The following N4BP3 variants were observed in gnomAD, a reference collection of about 807,000 sequenced individuals.
N4BP3 encodes NEDD4-binding protein 3.
In N4BP3, 33 loss-of-function variants were observed where a neutral mutation model predicts 43.8. The observed-to-expected ratio is 0.75, with a 90% CI of 0.57 to 1.01. N4BP3 has a LOEUF of 1.01. Ranked by LOEUF, N4BP3 falls within the 50% of genes least tolerant of loss-of-function variation. The pLI is 0.00. For missense variants in N4BP3, 756 were observed against 744.2 expected (o/e 1.02, Z -0.18); for synonymous variants, 326 against 321.9 (o/e 1.01, Z -0.14).
chr5:178,126,819 T>G (rs995657006), downstream of N4BP3, among the ~76,000 whole-genome samples: 1 of 151,810 alleles, frequency 6.6e-6, no homozygotes, highest in East Asian at 1.9e-4. Flanking sequence ...GCTTGAGAGG[T>G]TTTATCTGCA....
intron 1 of N4BP3, among the ~76,000 whole-genome samples, chr5:178,115,237 A>G (rs1224126835): frequency 1.3e-5 from 2 of 152,214 alleles, no homozygotes; most frequent in Non-Finnish European, 2.9e-5. Context: ...ACTAAGCACC[A>G]CTTCCGCAGG....
rs368026384 is a variant in N4BP3 at position 178,121,255 on chromosome 5, T to C, written c.1010T>C (p.Leu337Pro). ...GAGCAGCGGCGCCTGCGCAAGGAGC[T>C]GCGGGCTCAGCAGGGCCTGGCTCCG... ...QQEQRRLRKE[L>P]RAQQGLAPEP... The change falls in exon 4 of 5, where the codon CTG (leucine) becomes CCG (proline). Residue 337 changes from leucine to proline, a missense_variant. Coordinates refer to ENST00000274605, the MANE Select transcript of N4BP3 (RefSeq NM_015111.2). 7 of 1,606,510 alleles carry C rather than the reference T, an allele frequency of 4.4e-6. No homozygotes were observed. The highest frequency in any genetic ancestry group is 5.9e-6 in the Non-Finnish European group (7 of 1,177,154).
At position 178,120,251 on chromosome 5, in the gene N4BP3, C is replaced by A. The variant is rs374053735; in HGVS notation, c.404C>A (p.Ala135Glu). The A allele has an allele frequency of 1.2e-6, 2 of 1,607,642 alleles. No individual in the cohort carries two copies. Among genetic ancestry groups the A allele is most frequent in the African/African-American group, 2.7e-5 (2 of 74,762 alleles). The change falls in exon 3 of 5, where the codon GCG (alanine) becomes GAG (glutamate). Residue 135 changes from alanine (A) to glutamate (E), a missense_variant. Transcript: ENST00000274605. The stretch of plus-strand genomic sequence containing the variant: ...GGCTTCCTATCCATGCAAAGTCTGG[C>A]GTCCCACAAAGGCCAGAAGCTGTGG... ...GKGFLSMQSL[A>E]SHKGQKLWRS...
In N4BP3 at chr5:178,121,612, G is replaced by A; in HGVS notation, c.1246G>A (p.Asp416Asn). The change falls in exon 5 of 5, where the codon GAC (aspartate) becomes AAC (asparagine). Residue 416 changes from aspartate (D) to asparagine (N), a missense_variant. Transcript: ENST00000274605. ...CAGCCGGGCACAAGCCCAGGCTCAG[G>A]ACGCAGAGCTGGTCCGGCTGCGCGA... ...RGSRAQAQAQ[D>N]AELVRLREAV... The A allele has an allele frequency of 6.2e-7, 1 of 1,613,238 alleles. No individual in the cohort carries two copies. Among genetic ancestry groups the A allele is most frequent in the Non-Finnish European group, 8.5e-7 (1 of 1,179,940 alleles).
In N4BP3 at chr5:178,122,423, A is replaced by T. The variant is rs2113322899; in HGVS notation, c.*422A>T. ...TCTACCAGAGGCTCAGAATACGCTG[A>T]GCCTGTGACCAGAGGATGATGGATG... On this transcript the variant is annotated 3_prime_UTR_variant, in exon 5 of 5. Transcript: ENST00000274605. The T allele has an allele frequency of 5.6e-6, 1 of 177,852 alleles. No homozygotes were observed. Among genetic ancestry groups the T allele is most frequent in the Non-Finnish European group, 1.2e-5 (1 of 83,302 alleles). 11.0% of individuals were successfully genotyped at this position (177,852 alleles called of 1,614,324 possible). A position where few individuals can be genotyped will look rare whatever the true frequency, so the allele number is the denominator to read the frequency against.
intron 1 of N4BP3, among the ~76,000 whole-genome samples, chr5:178,115,940 TA>T (rs1757762765): frequency 6.6e-6 from 1 of 152,132 alleles, no homozygotes; most frequent in South Asian, 2.1e-4. Context: ...GAAGAGGCCT[TA>T]CTGGGGCTAG....
rs1757949615 is a variant in N4BP3, at chr5:178,122,192, C to T, written c.*191C>T. 1.5e-6 allele frequency: 1 copy of T among 656,116 alleles called. No homozygotes were observed. Among genetic ancestry groups the T allele is most frequent in the Non-Finnish European group, 2.5e-6 (1 of 400,762 alleles). The allele number at this position is 656,116 out of a possible 1,614,324, so 40.6% of individuals were successfully genotyped here. On this transcript the variant is annotated 3_prime_UTR_variant, in exon 5 of 5. Coordinates refer to ENST00000274605, the MANE Select transcript of N4BP3 (RefSeq NM_015111.2). ...GCCTTGGCAGGAGCCAGGACAAGGC[C>T]CTCCTGGCAGAGGAGCACCTAGGCA... is the stretch of plus-strand genomic sequence containing the variant.
At position 178,113,782 on chromosome 5, in the gene N4BP3, C is replaced by G. The variant is rs1177738615; in HGVS notation, c.-31+11C>G. 7.7e-6 allele frequency: 1 copy of G among 129,378 alleles called. No individual in the cohort carries two copies. The highest frequency in any genetic ancestry group is 7.9e-5 in the Admixed American group (1 of 12,660). The allele number at this position is 129,378 out of a possible 1,614,324, so 8.0% of individuals were successfully genotyped here. A position where few individuals can be genotyped will look rare whatever the true frequency, so the allele number is the denominator to read the frequency against. On this transcript the variant is annotated intron_variant, in intron 1 of 4. Transcript: ENST00000274605. ...CGCGTCGCCACCATGGTAAGTGGGG[C>G]GCGCGAGGGGCTGGGGACCCGGGCT...
In N4BP3 at chr5:178,123,475, A is replaced by T. The variant is rs3812079; in HGVS notation, c.*1474A>T. The T allele has an allele frequency of 1.3e-5, 2 of 152,500 alleles. No homozygotes were observed. Among genetic ancestry groups the T allele is most frequent in the African/African-American group, 4.8e-5 (2 of 41,514 alleles). The allele number at this position is 152,500 out of a possible 1,614,324, so 9.4% of individuals were successfully genotyped here. ...TGAGAAGTTATCTGCAGAGAGCCCCACCTCACTCCCTTTGGCTACCCTGGC... is the reference window on the plus strand; with the variant it reads ...TGAGAAGTTATCTGCAGAGAGCCCCTCCTCACTCCCTTTGGCTACCCTGGC... On this transcript the variant is annotated 3_prime_UTR_variant, in exon 5 of 5. Coordinates refer to ENST00000274605, the MANE Select transcript of N4BP3 (RefSeq NM_015111.2).
Position 178,121,957 on chromosome 5 carries a change from C to A in N4BP3, c.1591C>A (p.Pro531Thr). The A allele has an allele frequency of 1.2e-6, 2 of 1,609,168 alleles. No individual in the cohort carries two copies. Among genetic ancestry groups the A allele is most frequent in the Middle Eastern group, 1.7e-4 (1 of 5,718 alleles). Residue 531 changes from proline (P) to threonine (T), a missense_variant, in exon 5 of 5, where the codon CCC (proline) becomes ACC (threonine). Pro to Thr is a conservative substitution (Grantham distance 38). Coordinates refer to ENST00000274605, the MANE Select transcript of N4BP3 (RefSeq NM_015111.2). ...LEQELRALRE[P>T]PTPWSPRLES... ...GCAGGAACTGCGGGCACTGCGGGAG[C>A]CCCCCACACCCTGGAGTCCCCGGCT...
chr5:178,117,866 T>G (rs900771384), intron 1 of N4BP3, among the ~76,000 whole-genome samples: 4 of 151,866 alleles, frequency 2.6e-5, no homozygotes, highest in East Asian at 1.9e-4. Flanking sequence ...CAGGGTGAGG[T>G]GAGGCTGTGG....
chr5:178,117,617 C>CAA (rs1158805938), intron 1 of N4BP3, among the ~76,000 whole-genome samples: 3 of 13,712 alleles, frequency 2.2e-4, no homozygotes, highest in African/African-American at 5.1e-4. Context: ...GACCCTGTCT[C>CAA]AAAAAAAAAA....
chr5:178,121,932 G>A lies in N4BP3; in HGVS notation c.1566G>A (p.Glu522=), dbSNP rs772339236. ...MDMYRRNQAL[E]QELRALREPP... Reference sequence around the variant, plus strand: ...TGTACCGCCGCAACCAGGCACTGGAGCAGGAACTGCGGGCACTGCGGGAGC... The same window carrying A: ...TGTACCGCCGCAACCAGGCACTGGAACAGGAACTGCGGGCACTGCGGGAGC... Residue 522 remains glutamate (E), a synonymous_variant, in exon 5 of 5, where the codon GAG becomes GAA. Transcript: ENST00000274605. The A allele has an allele frequency of 1.9e-6, 3 of 1,612,124 alleles. No individual in the cohort carries two copies. The highest frequency in any genetic ancestry group is 2.5e-6 in the Non-Finnish European group (3 of 1,179,824).
At chr5:178,120,805 G>T in intron 3 of N4BP3, 106 bp downstream of exon 3, 1 of 1,396,214 alleles carries the variant, frequency 7.2e-7, no homozygotes, top group Non-Finnish European at 9.4e-7. Context: ...GGACACAAGA[G>T]AGCAAGAAAG....
chr5:178,120,318 C>T lies in N4BP3; in HGVS notation c.471C>T (p.Pro157=), dbSNP rs1429832539. The T allele has an allele frequency of 1.2e-5, 19 of 1,608,210 alleles. No homozygotes were observed. The Admixed American group carries it at 3.2e-4, about 27-fold the overall frequency. The change falls in exon 3 of 5, where the codon CCC becomes CCT. Residue 157 remains proline, a synonymous_variant. Transcript: ENST00000274605. Reference sequence around the variant, plus strand: ...TGCACACGCTGGCCTGCCACCCGCCCCTGAGCCCCGGGCCCCGGGCCAGCC... The same window carrying T: ...TGCACACGCTGGCCTGCCACCCGCCTCTGAGCCCCGGGCCCCGGGCCAGCC... ...GSLHTLACHP[P]LSPGPRASQA... is the part of the protein sequence containing the mutation.
chr5:178,118,364 C>T lies in N4BP3; in HGVS notation c.-30-1190C>T, dbSNP rs1369012954. 1.3e-5 allele frequency among the ~76,000 whole-genome samples: 2 copies of T among 152,204 alleles called. No individual in the cohort carries two copies. The highest frequency in any genetic ancestry group is 4.8e-5 in the African/African-American group (2 of 41,444). ...ATCCCACCCCATCCTCCCAGCATCC[C>T]AGTGATAAGTGTTATTGTCGCCAGG... On this transcript the variant is annotated intron_variant, in intron 1 of 4. Transcript: ENST00000274605. The surrounding 1 kb of genome is among the most constrained non-coding windows in gnomAD (Gnocchi z 5.4).
At chr5:178,117,321 AG>A (rs1757794739) in intron 1 of N4BP3, among the ~76,000 whole-genome samples, 1 of 152,092 alleles carries the variant, frequency 6.6e-6, no homozygotes, top group African/African-American at 2.4e-5. Flanking sequence ...TCAGATGAGG[AG>A]GCAGGATGCT....
chr5:178,117,661 A>G (rs1184323728), intron 1 of N4BP3, among the ~76,000 whole-genome samples: 1 of 147,032 alleles, frequency 6.8e-6, no homozygotes, highest in Non-Finnish European at 1.5e-5. Flanking sequence ...ACTCTGTCAC[A>G]GGACTCAGCA....
chr5:178,121,795 C>G lies in N4BP3; in HGVS notation c.1429C>G (p.Leu477Val). The change falls in exon 5 of 5, where the codon CTT (leucine) becomes GTT (valine). Residue 477 changes from leucine (L) to valine (V), a missense_variant. Leu to Val is a conservative substitution (Grantham distance 32). Transcript: ENST00000274605. The stretch of plus-strand genomic sequence containing the variant: ...GCGGGCTGAGCTGCTGCAGGAGCGA[C>G]TTCGGGGCCAGGAGCAGGCGCTGCG... ...QLRAELLQER[L>V]RGQEQALRFE... The G allele has an allele frequency of 6.2e-7, 1 of 1,609,022 alleles. No individual in the cohort carries two copies. The highest frequency in any genetic ancestry group is 8.5e-7 in the Non-Finnish European group (1 of 1,179,490).
Sources: allele counts gnomAD v4.1 joint callset (sites outside exome capture counted in the v4.1 genomes callset), GRCh38; gene constraint gnomAD v4.1.1; non-coding constraint Gnocchi (gnomAD v3.1); transcripts MANE v1.5; gene names NCBI Gene and HGNC (gene_info 2026-07-23, HGNC 2026-07-21).